Variants in COG6 observed in about 807,000 individuals in gnomAD.
COG6 encodes component of oligomeric golgi complex 6, also known as conserved oligomeric Golgi complex subunit 6.
In COG6, 74 loss-of-function variants were observed where a neutral mutation model predicts 88.8. The observed-to-expected ratio is 0.83, with a 90% CI of 0.69 to 1.01. COG6 has a LOEUF of 1.01. Ranked by LOEUF, COG6 falls within the 50% of genes least tolerant of loss-of-function variation. The pLI, the probability that COG6 is intolerant of heterozygous loss-of-function variation, is 0.00. For synonymous variants in COG6, 286 were observed against 278.7 expected (o/e 1.03, Z -0.26); for missense variants, 800 against 797.9 (o/e 1.00, Z -0.03).
At chr13:39,784,065 CT>C (rs906680090) in intron 18 of COG6, among the ~76,000 whole-genome samples, 2 of 152,132 alleles carry the variant, frequency 1.3e-5, no homozygotes, top group Non-Finnish European at 2.9e-5. Flanking sequence ...CCGGCTCCAT[CT>C]GGTCACATAA....
chr13:39,769,268 A>G (rs1881251466), intron 18 of COG6, among the ~76,000 whole-genome samples: 1 of 152,218 alleles, frequency 6.6e-6, no homozygotes, highest in South Asian at 2.1e-4. Flanking sequence ...AGAATATGAG[A>G]ATGTTCAAGA....
intron 13 of COG6, among the ~76,000 whole-genome samples, chr13:39,710,640 AAAG>A (rs1481540614): frequency 3.3e-5 from 5 of 152,170 alleles, no homozygotes; most frequent in Non-Finnish European, 5.9e-5. Context: ...GAAATGAAGA[AAAG>A]AAAAAAATCA....
chr13:39,673,673 A>T (rs1051603617), intron 4 of COG6, among the ~76,000 whole-genome samples: 4 of 151,920 alleles, frequency 2.6e-5, no homozygotes, highest in South Asian at 4.1e-4. Context: ...TCTTTCTTAA[A>T]TTTTTTTGAC....
chr13:39,769,321 A>G (rs1180152392), intron 18 of COG6, among the ~76,000 whole-genome samples: 1 of 152,186 alleles, frequency 6.6e-6, no homozygotes, highest in African/African-American at 2.4e-5. Flanking sequence ...GGTTGAACCA[A>G]CTTATACTTT....
At chr13:39,786,281 G>A (rs538251104) in intron 18 of COG6, among the ~76,000 whole-genome samples, 4 of 152,292 alleles carry the variant, frequency 2.6e-5, no homozygotes, top group South Asian at 2.1e-4. Context: ...AGACCTCTGC[G>A]GCAGCATGAA....
chr13:39,727,583 T>G (rs1436843090), intron 18 of COG6, 35 bp downstream of exon 18: 1 of 1,403,644 alleles, frequency 7.1e-7, no homozygotes, highest in Admixed American at 1.7e-5. Context: ...TTGGTAAAGA[T>G]TCACATATTT....
At chr13:39,738,800 G>C (rs139688425) in intron 18 of COG6, among the ~76,000 whole-genome samples, 1 of 152,098 alleles carries the variant, frequency 6.6e-6, no homozygotes, top group African/African-American at 2.4e-5. Flanking sequence ...GAGATAAAAC[G>C]TGACATTTTA....
chr13:39,696,852 C>T (rs1238771665), intron 12 of COG6, among the ~76,000 whole-genome samples: 3 of 150,532 alleles, frequency 2.0e-5, no homozygotes, highest in Non-Finnish European at 4.4e-5. Context: ...GCAGTTTGTG[C>T]TCCTGAGAAG....
downstream of COG6, among the ~76,000 whole-genome samples, chr13:39,753,771 T>C (rs1880743615): frequency 6.6e-6 from 1 of 152,180 alleles, no homozygotes; most frequent in Admixed American, 6.5e-5. Flanking sequence ...TGTAGGATTA[T>C]TCTCAATGTC....
chr13:39,786,567 G>A (rs1169654308), intron 18 of COG6, among the ~76,000 whole-genome samples: 2 of 152,174 alleles, frequency 1.3e-5, no homozygotes, highest in Non-Finnish European at 2.9e-5. Flanking sequence ...GGTTTGCAGA[G>A]AGAAAATGGT....
In COG6 at chr13:39,735,720, TTTTTTG is replaced by T. The variant is rs1366473847; in HGVS notation, c.1826+8173_1826+8178del. Among the ~76,000 whole-genome samples the T allele has an allele frequency of 1.8e-3, 217 of 122,016 alleles. 1 individual carries two copies. The highest frequency in any genetic ancestry group is 8.9e-3 in the Admixed American group (90 of 10,058). 80.0% of individuals were successfully genotyped at this position (122,016 alleles called of 152,430 possible). On this transcript the variant is annotated intron_variant, in intron 18 of 18. Coordinates refer to ENST00000455146, the MANE Select transcript of COG6 (RefSeq NM_020751.3). The stretch of plus-strand genomic sequence containing the variant: ...TTGATGAAGTCCTTTTTTTTTTTTT[TTTTTTG>T]GTCTGGGAAAGCCTTTATTTGTCCT...
intron 18 of COG6, among the ~76,000 whole-genome samples, chr13:39,746,437 C>CA (rs1404512635): frequency 6.6e-6 from 1 of 152,094 alleles, no homozygotes; most frequent in Non-Finnish European, 1.5e-5. Flanking sequence ...CTAACAACAA[C>CA]AACAAAAAAA....
At chr13:39,702,401 C>T (rs1369702576) in intron 13 of COG6, among the ~76,000 whole-genome samples, 1 of 151,838 alleles carries the variant, frequency 6.6e-6, no homozygotes, top group Non-Finnish European at 1.5e-5. Flanking sequence ...CTTCAAAATT[C>T]AGCATTTATA....
chr13:39,670,255 T>G (rs1875543700), intron 4 of COG6, among the ~76,000 whole-genome samples: 1 of 152,158 alleles, frequency 6.6e-6, no homozygotes, highest in Non-Finnish European at 1.5e-5. Flanking sequence ...AAAGACTATA[T>G]GTACATGAAC....
chr13:39,757,482 C>T (rs770748327), downstream of COG6, among the ~76,000 whole-genome samples: 14 of 150,734 alleles, frequency 9.3e-5, no homozygotes, highest in Non-Finnish European at 1.6e-4. Flanking sequence ...AAAATGGAGA[C>T]TAGAAAAATG....
intron 4 of COG6, among the ~76,000 whole-genome samples, chr13:39,666,775 A>G (rs1875298035): frequency 6.6e-6 from 1 of 152,228 alleles, no homozygotes; most frequent in African/African-American, 2.4e-5. Flanking sequence ...ATGGTAACCA[A>G]TGTAACTTAC....
At chr13:39,696,159 C>T (rs552822962) in intron 12 of COG6, among the ~76,000 whole-genome samples, 4 of 13,260 alleles carry the variant, frequency 3.0e-4, no homozygotes, top group Non-Finnish European at 5.9e-4. Flanking sequence ...CAATTAAAAT[C>T]TTTTTTTATT....
chr13:39,782,101 T>C (rs1327728283), intron 18 of COG6, among the ~76,000 whole-genome samples: 1 of 152,184 alleles, frequency 6.6e-6, no homozygotes, highest in East Asian at 1.9e-4. Flanking sequence ...ACCACACATA[T>C]TGGGTAAAGG....
intron 13 of COG6, among the ~76,000 whole-genome samples, chr13:39,715,433 AT>A (rs975913324): frequency 3.0e-4 from 46 of 151,116 alleles, no homozygotes; most frequent in African/African-American, 1.0e-3. Flanking sequence ...GATTTATTAG[AT>A]TTTTTTTTCT....
Sources: allele counts gnomAD v4.1 joint callset (sites outside exome capture counted in the v4.1 genomes callset), GRCh38; gene constraint gnomAD v4.1.1; transcripts MANE v1.5; gene names NCBI Gene and HGNC (gene_info 2026-07-23, HGNC 2026-07-21).